ADGRA3: variants seen among roughly 807,000 people sequenced by gnomAD.
ADGRA3 encodes adhesion G protein-coupled receptor A3, also known as G-protein coupled receptor 125.
Under a neutral mutation model 119.8 loss-of-function variants are expected in ADGRA3, and 56 were observed. The ratio of observed to expected loss-of-function variants is 0.47; its 90% CI spans 0.38 to 0.58. ADGRA3 has a LOEUF of 0.58. Ranked by LOEUF, ADGRA3 falls within the 20% of genes least tolerant of loss-of-function variation. ADGRA3 has a pLI of 0.00. For synonymous variants in ADGRA3, 607 were observed against 623.8 expected (o/e 0.97, Z 0.40); for missense variants, 1,516 against 1,649.0 (o/e 0.92, Z 1.40).
At chr4:22,413,475 T>C in intron 13 of ADGRA3, 85 bp from the exon 14 acceptor site, 1 of 1,384,310 alleles carries the variant, frequency 7.2e-7, no homozygotes, top group Non-Finnish European at 1.0e-6. Context: ...ATGGGTACTC[T>C]GCAAGATCTT....
chr4:22,411,248 CTGAA>C (rs551274014), intron 14 of ADGRA3, among the ~76,000 whole-genome samples: 105 of 152,268 alleles, frequency 6.9e-4, no homozygotes, highest in African/African-American at 2.4e-3. Context: ...ATATTCAAAA[CTGAA>C]TGAGAAAACA....
intron 14 of ADGRA3, among the ~76,000 whole-genome samples, chr4:22,412,580 T>G (rs1162084616): frequency 1.3e-5 from 2 of 152,092 alleles, no homozygotes; most frequent in Non-Finnish European, 2.9e-5. Context: ...TCCAAAACAT[T>G]TTTAGTCCCA....
At position 22,515,949 on chromosome 4, in the gene ADGRA3, G is replaced by A; in HGVS notation, c.-165C>T. On this transcript the variant is annotated 5_prime_UTR_variant, in exon 1 of 19. Coordinates refer to ENST00000334304, the MANE Select transcript of ADGRA3 (RefSeq NM_145290.4). The stretch of plus-strand genomic sequence containing the variant: ...GCGGACATGCTCCTTTGTCCGCTGC[G>A]GCTGCGCTGGGCCTCTAGGGAGCCG... The A allele has an allele frequency of 3.8e-6, 1 of 260,986 alleles. No individual in the cohort carries two copies. The highest frequency in any genetic ancestry group is 6.0e-6 in the Non-Finnish European group (1 of 167,852). 16.2% of individuals were successfully genotyped at this position (260,986 alleles called of 1,614,324 possible). A position where few individuals can be genotyped will look rare whatever the true frequency, so the allele number is the denominator to read the frequency against.
chr4:22,415,734 T>G (rs564725058), intron 12 of ADGRA3, among the ~76,000 whole-genome samples: 2 of 152,032 alleles, frequency 1.3e-5, no homozygotes, highest in Non-Finnish European at 2.9e-5. Context: ...TTAAAACAAA[T>G]CATTTACATT....
intron 14 of ADGRA3, among the ~76,000 whole-genome samples, chr4:22,412,489 G>A (rs1715246911): frequency 2.0e-5 from 3 of 152,024 alleles, no homozygotes; most frequent in African/African-American, 2.4e-5. Flanking sequence ...ATGCTCCTTG[G>A]AGGATTTCAG....
intron 1 of ADGRA3, among the ~76,000 whole-genome samples, chr4:22,496,424 C>T (rs1015732795): frequency 1.3e-5 from 2 of 152,196 alleles, no homozygotes; most frequent in South Asian, 2.1e-4. Context: ...CTGGCACACT[C>T]GGCAAACATT....
At chr4:22,418,647 G>T (rs1715526174) in intron 12 of ADGRA3, among the ~76,000 whole-genome samples, 1 of 152,150 alleles carries the variant, frequency 6.6e-6, no homozygotes, top group South Asian at 2.1e-4. Flanking sequence ...TCTCTGGAGA[G>T]ACATGAGACA....
intron 17 of ADGRA3, among the ~76,000 whole-genome samples, chr4:22,389,515 T>G (rs946961308): frequency 2.6e-5 from 4 of 151,996 alleles, no homozygotes; most frequent in East Asian, 3.9e-4. Flanking sequence ...TTTTTTTTTT[T>G]GTAGCAGGAA....
chr4:22,455,061 T>G lies in ADGRA3; in HGVS notation c.402-124A>C, dbSNP rs1454248930. On this transcript the variant is annotated intron_variant, in intron 3 of 18. Coordinates refer to ENST00000334304, the MANE Select transcript of ADGRA3 (RefSeq NM_145290.4). ...GACCTTTATTCTAGCAACTTTGAGA[T>G]ATTTACTGTACGCAAATGAGATAAG... 1.0e-5 allele frequency: 7 copies of G among 678,098 alleles called. No individual in the cohort carries two copies. In the East Asian group the frequency reaches 1.9e-4, roughly 18 times the overall value. 42.0% of individuals were successfully genotyped at this position (678,098 alleles called of 1,614,324 possible). A position where few individuals can be genotyped will look rare whatever the true frequency, so the allele number is the denominator to read the frequency against.
chr4:22,395,868 G>A (rs1018545760), intron 16 of ADGRA3, among the ~76,000 whole-genome samples: 2 of 152,090 alleles, frequency 1.3e-5, no homozygotes, highest in Admixed American at 1.3e-4. Context: ...CAAGTAGAAT[G>A]GTCTTAATAT....
chr4:22,475,936 A>T (rs925369062), intron 1 of ADGRA3, among the ~76,000 whole-genome samples: 8 of 152,028 alleles, frequency 5.3e-5, no homozygotes, highest in African/African-American at 1.7e-4. Flanking sequence ...AAAGAAACAA[A>T]TTTTTTAAAA....
rs778820074 is a variant in ADGRA3 at position 22,464,535 on chromosome 4, T to C, written c.330-2727A>G. Among the ~76,000 whole-genome samples the C allele has an allele frequency of 5.8e-4, 88 of 152,308 alleles. 1 individual carries two copies. Among genetic ancestry groups the C allele is most frequent in the South Asian group, 6.2e-4 (3 of 4,828 alleles). ...AGAGGAATATTATGCAGAGGATAAGTTCCCTGCTGTGAATGCCATGGCCCC... is the reference window on the plus strand; with the variant it reads ...AGAGGAATATTATGCAGAGGATAAGCTCCCTGCTGTGAATGCCATGGCCCC... On this transcript the variant is annotated intron_variant, in intron 2 of 18. Transcript: ENST00000334304.
chr4:22,515,128 A>C (rs6818676), intron 1 of ADGRA3, among the ~76,000 whole-genome samples: 92,065 of 152,132 alleles, frequency 0.61, 28,459 homozygotes, highest in Non-Finnish European at 0.66. Flanking sequence ...ATTTGCAAAG[A>C]AGCAGAAGGA....
intron 10 of ADGRA3, among the ~76,000 whole-genome samples, chr4:22,430,252 GAA>G (rs1716106334): frequency 1.3e-5 from 2 of 152,258 alleles, no homozygotes; most frequent in African/African-American, 4.8e-5. Flanking sequence ...AGGCGATGCT[GAA>G]AAGATACCCA....
chr4:22,468,056 G>A (rs7666836), intron 2 of ADGRA3, among the ~76,000 whole-genome samples: 1,926 of 152,256 alleles, frequency 0.013, 42 homozygotes, highest in African/African-American at 0.043. Flanking sequence ...AAGAAGTCAG[G>A]CCTTTGTGGT....
intron 16 of ADGRA3, among the ~76,000 whole-genome samples, chr4:22,396,639 G>T (rs571123239): frequency 6.6e-6 from 1 of 152,238 alleles, no homozygotes; most frequent in South Asian, 2.1e-4. Context: ...TACCTGAATT[G>T]AGTATTACAG....
intron 2 of ADGRA3, among the ~76,000 whole-genome samples, chr4:22,471,398 C>T (rs138479394): frequency 2.6e-5 from 4 of 151,958 alleles, no homozygotes; most frequent in Non-Finnish European, 5.9e-5. Context: ...ATAATAGGTA[C>T]AACAAACCCT....
chr4:22,387,484 T>C lies in ADGRA3; in HGVS notation c.*221A>G, dbSNP rs1046826. ...TTCACATCCCAAAATGTCCTGTTGG[T>C]GCTTTGACAACTAAAACAATGTTTT... On this transcript the variant is annotated 3_prime_UTR_variant, in exon 19 of 19. Coordinates refer to ENST00000334304, the MANE Select transcript of ADGRA3 (RefSeq NM_145290.4). The C allele has an allele frequency of 2.2e-6, 1 of 452,234 alleles. No individual in the cohort carries two copies. The highest frequency in any genetic ancestry group is 2.0e-5 in the African/African-American group (1 of 50,324). 28.0% of individuals were successfully genotyped at this position (452,234 alleles called of 1,614,324 possible).
chr4:22,508,047 C>T (rs1475258075), intron 1 of ADGRA3, among the ~76,000 whole-genome samples: 5 of 152,186 alleles, frequency 3.3e-5, no homozygotes, highest in Non-Finnish European at 7.3e-5. Context: ...GTTAGCATTA[C>T]TCTTGCCCAT....
Sources: allele counts gnomAD v4.1 joint callset (sites outside exome capture counted in the v4.1 genomes callset), GRCh38; gene constraint gnomAD v4.1.1; transcripts MANE v1.5; gene names NCBI Gene and HGNC (gene_info 2026-07-23, HGNC 2026-07-21).